Variants in KIF26B observed in about 807,000 individuals in gnomAD.
The protein encoded by KIF26B is kinesin family member 26B.
Under a neutral mutation model 151.2 loss-of-function variants are expected in KIF26B, and 63 were observed. The ratio of observed to expected loss-of-function variants is 0.42; its 90% confidence interval spans 0.34 to 0.51. The LOEUF (loss-of-function observed/expected upper bound fraction) is 0.51. Among genes scored for constraint, KIF26B ranks in the 20% least tolerant of loss-of-function variants. The pLI is 0.07. For missense variants in KIF26B, 2,813 were observed against 2,913.6 expected (o/e 0.97, Z 0.79); for synonymous variants, 1,357 against 1,262.1 (o/e 1.08, Z -1.59).
intron 5 of KIF26B, among the ~76,000 whole-genome samples, chr1:245,555,901 G>A (rs916897002): frequency 6.6e-6 from 1 of 152,172 alleles, no homozygotes; most frequent in African/African-American, 2.4e-5. Context: ...TTTCCAGGGG[G>A]AGAAAAGTGG....
In KIF26B at chr1:245,688,459, G is replaced by T; in HGVS notation, c.5476G>T (p.Gly1826Trp). 7.3e-7 allele frequency: 1 copy of T among 1,367,922 alleles called. No individual in the cohort carries two copies. The highest frequency in any genetic ancestry group is 1.5e-5 in the African/African-American group (1 of 65,254). 84.7% of individuals were successfully genotyped at this position (1,367,922 alleles called of 1,614,324 possible). A position where few individuals can be genotyped will look rare whatever the true frequency, so the allele number is the denominator to read the frequency against. ...AGARGLQLRA[G>W]PEAEARGGAL... is the part of the protein sequence containing the mutation. The stretch of plus-strand genomic sequence containing the variant: ...CGCCCGGGGCTTGCAGCTGCGGGCC[G>T]GGCCCGAGGCGGAGGCGCGCGGGGG... Residue 1826 changes from glycine (G) to tryptophan (W), a missense_variant, in exon 12 of 15, where the codon GGG (glycine) becomes TGG (tryptophan). By Grantham distance (184) the Gly-to-Trp change is radical (BLOSUM62 -2). This residue lies in a region of KIF26B where 2,060 missense variants were observed against 2,088.6 expected (regional missense o/e 0.99). Coordinates refer to ENST00000407071, the MANE Select transcript of KIF26B (RefSeq NM_018012.4).
At chr1:245,461,479 G>A (rs1353102354) in intron 4 of KIF26B, among the ~76,000 whole-genome samples, 2 of 152,120 alleles carry the variant, frequency 1.3e-5, no homozygotes, top group African/African-American at 2.4e-5. Flanking sequence ...CGCTCATCAC[G>A]TGTCCTGCAA....
intron 5 of KIF26B, among the ~76,000 whole-genome samples, chr1:245,569,694 A>AT (rs1316706073): frequency 6.6e-6 from 1 of 151,954 alleles, no homozygotes; most frequent in Non-Finnish European, 1.5e-5. Context: ...CGGGAGGCTG[A>AT]GGTGGGAAGA....
intron 2 of KIF26B, among the ~76,000 whole-genome samples, chr1:245,226,588 T>A (rs192646893): frequency 3.5e-3 from 534 of 152,112 alleles, no homozygotes; most frequent in Non-Finnish European, 5.0e-3. Context: ...CTCAGCCTCC[T>A]GAGTAGCTGG....
At chr1:245,419,808 G>A in intron 4 of KIF26B, 63 bp downstream of exon 4, 1 of 1,430,788 alleles carries the variant, frequency 7.0e-7, no homozygotes, top group Non-Finnish European at 9.5e-7. Context: ...CCCCTCACGT[G>A]GACTAGCTCA....
intron 9 of KIF26B, among the ~76,000 whole-genome samples, chr1:245,627,372 T>C (rs1338863420): frequency 6.6e-6 from 1 of 152,124 alleles, no homozygotes; most frequent in African/African-American, 2.4e-5. Flanking sequence ...CACAACTACA[T>C]GGAAATTGAA....
chr1:245,442,286 G>A (rs1175530131), intron 4 of KIF26B, among the ~76,000 whole-genome samples: 1 of 152,156 alleles, frequency 6.6e-6, no homozygotes, highest in Non-Finnish European at 1.5e-5. Context: ...CGTGCTCTGG[G>A]TACGTGTGAA....
intron 4 of KIF26B, among the ~76,000 whole-genome samples, chr1:245,465,196 T>A (rs1198152673): frequency 2.0e-5 from 3 of 152,138 alleles, no homozygotes; most frequent in Non-Finnish European, 4.4e-5. Context: ...GCCAGGATGG[T>A]CTCCATCTCC....
intron 9 of KIF26B, among the ~76,000 whole-genome samples, chr1:245,641,561 AGTCTT>A (rs1277983615): frequency 6.6e-6 from 1 of 151,798 alleles, no homozygotes; most frequent in African/African-American, 2.4e-5. Context: ...ATTTTCAAAT[AGTCTT>A]GTCTTTGAGC....
chr1:245,604,938 T>TC (rs2103148150), intron 6 of KIF26B, among the ~76,000 whole-genome samples: 1 of 152,322 alleles, frequency 6.6e-6, no homozygotes, highest in South Asian at 2.1e-4. Flanking sequence ...AAACCGAGAC[T>TC]CAAAGATGAA....
intron 9 of KIF26B, among the ~76,000 whole-genome samples, chr1:245,628,939 T>C (rs1211571787): frequency 6.6e-6 from 1 of 152,142 alleles, no homozygotes; most frequent in African/African-American, 2.4e-5. Context: ...ATCACAAGCA[T>C]TCCTATACAC....
At chr1:245,268,085 T>C (rs1181870450) in intron 2 of KIF26B, among the ~76,000 whole-genome samples, 1 of 151,998 alleles carries the variant, frequency 6.6e-6, no homozygotes, top group Non-Finnish European at 1.5e-5. Context: ...GGTGGAAGGA[T>C]CACGTGAACC....
At chr1:245,347,938 G>A (rs1472956375) in intron 2 of KIF26B, among the ~76,000 whole-genome samples, 6 of 152,204 alleles carry the variant, frequency 3.9e-5, no homozygotes, top group Admixed American at 2.6e-4. Context: ...GGCGGGTACC[G>A]TTATTTTCCC....
At chr1:245,256,721 T>C (rs2103567929) in intron 2 of KIF26B, among the ~76,000 whole-genome samples, 1 of 152,268 alleles carries the variant, frequency 6.6e-6, no homozygotes, top group Admixed American at 6.5e-5. Flanking sequence ...CCCCTTGGAA[T>C]TCAGGCACAG....
intron 5 of KIF26B, among the ~76,000 whole-genome samples, chr1:245,561,763 C>T (rs1220638113): frequency 2.0e-5 from 3 of 152,200 alleles, no homozygotes; most frequent in Non-Finnish European, 2.9e-5. Flanking sequence ...CTGCATGCTT[C>T]CTCTGATGGT....
At chr1:245,169,359 G>GTGTGTGTGTGTA (rs1180867183) in intron 2 of KIF26B, among the ~76,000 whole-genome samples, 9 of 152,036 alleles carry the variant, frequency 5.9e-5, no homozygotes, top group African/African-American at 2.2e-4. Context: ...GTGTGTGTGT[G>GTGTGTGTGTGTA]TGTGCGCGCA....
At chr1:245,582,881 C>G (rs2043189622) in intron 5 of KIF26B, among the ~76,000 whole-genome samples, 1 of 152,136 alleles carries the variant, frequency 6.6e-6, no homozygotes. Flanking sequence ...TGAATTTAAA[C>G]CAATGCATGA....
rs1424312232 is a variant in KIF26B, at chr1:245,688,077, C to A, written c.5094C>A (p.Gly1698=). 3.2e-6 allele frequency: 5 copies of A among 1,552,654 alleles called. No individual in the cohort carries two copies. The highest frequency in any genetic ancestry group is 1.4e-5 in the African/African-American group (1 of 73,394). ...CCGTGAGCTCCCGGCTGCACGCGGG[C>A]AAGGACGGCACCATGCCCCGCGCGG... ...LSSVSSRLHA[G]KDGTMPRAGR... is the part of the protein sequence containing the mutation. The change falls in exon 12 of 15, where the codon GGC becomes GGA. Residue 1698 remains glycine, a synonymous_variant. Transcript: ENST00000407071.
intron 9 of KIF26B, among the ~76,000 whole-genome samples, chr1:245,626,995 T>TC (rs2043730923): frequency 6.6e-6 from 1 of 152,188 alleles, no homozygotes; most frequent in Non-Finnish European, 1.5e-5. Flanking sequence ...GGATGTCCTT[T>TC]CCCCAATGCA....
Sources: gnomAD v4.1 joint callset for allele counts (sites outside exome capture counted in the v4.1 genomes callset) on GRCh38, gnomAD v4.1.1 for gene constraint, gnomAD v4.1.1 regional missense constraint, MANE v1.5 for transcripts, NCBI Gene and HGNC (gene_info 2026-07-23, HGNC 2026-07-21) for gene names.